The following HS6ST3 variants were observed in gnomAD, a reference collection of about 807,000 sequenced individuals.
HS6ST3 encodes heparan-sulfate 6-O-sulfotransferase 3.
HS6ST3 carries 12 observed loss-of-function variants against 36.7 expected under a neutral mutation model. The ratio of observed to expected loss-of-function variants is 0.33; its 90% CI spans 0.21 to 0.53. The LOEUF (loss-of-function observed/expected upper bound fraction) is 0.53. Ranked by LOEUF, HS6ST3 falls within the 20% of genes least tolerant of loss-of-function variation. The pLI, the probability that HS6ST3 is intolerant of heterozygous loss-of-function variation, is 0.95. For missense variants in HS6ST3, 584 were observed against 640.9 expected, an observed-to-expected ratio of 0.91 and a Z score of 0.96; for synonymous variants, 240 against 257.5, an observed-to-expected ratio of 0.93 and a Z score of 0.65.
intron 1 of HS6ST3, among the ~76,000 whole-genome samples, chr13:96,111,894 A>G (rs1231946950): frequency 6.6e-6 from 1 of 152,206 alleles, no homozygotes; most frequent in East Asian, 1.9e-4. Context: ...GGAAGAAACC[A>G]TATTATAAAA....
At chr13:96,605,174 G>A (rs563639417) in intron 1 of HS6ST3, among the ~76,000 whole-genome samples, 1 of 152,050 alleles carries the variant, frequency 6.6e-6, no homozygotes, top group African/African-American at 2.4e-5. Context: ...GGACCTGAGG[G>A]TATTCTTACC....
chr13:96,707,353 A>G (rs1043227792), intron 1 of HS6ST3, among the ~76,000 whole-genome samples: 20 of 152,172 alleles, frequency 1.3e-4, no homozygotes, highest in African/African-American at 4.8e-4. Context: ...CTGATCTCAG[A>G]CTTGTAGCCT....
chr13:96,741,412 A>G (rs759898160), intron 1 of HS6ST3, among the ~76,000 whole-genome samples: 9 of 152,202 alleles, frequency 5.9e-5, no homozygotes, highest in Non-Finnish European at 1.0e-4. Context: ...TAGCTTTTCT[A>G]TTCTGCACAC....
chr13:96,619,909 A>G (rs2056488087), intron 1 of HS6ST3, among the ~76,000 whole-genome samples: 1 of 152,174 alleles, frequency 6.6e-6, no homozygotes, highest in Admixed American at 6.5e-5. Context: ...TAAACAATGA[A>G]ACTTTGGGGC....
rs566599485 is a variant in HS6ST3 at position 96,096,154 on chromosome 13, T to A, written c.707+4585T>A. ...GAATGTGTAATATTTAATATGGAGATGAGAAAAATAAGGTGAGACATAAAA... is the reference window on the plus strand; with the variant it reads ...GAATGTGTAATATTTAATATGGAGAAGAGAAAAATAAGGTGAGACATAAAA... On this transcript the variant is annotated intron_variant, in intron 1 of 1. Transcript: ENST00000376705. Among the ~76,000 whole-genome samples the A allele has an allele frequency of 3.9e-5, 6 of 152,042 alleles. No individual in the cohort carries two copies. The South Asian group carries it at 1.0e-3, about 26-fold the overall frequency.
chr13:96,684,511 G>A (rs1319442193), intron 1 of HS6ST3, among the ~76,000 whole-genome samples: 1 of 152,022 alleles, frequency 6.6e-6, no homozygotes, highest in African/African-American at 2.4e-5. Context: ...CGAAACTCAA[G>A]CCTAAGAATA....
chr13:96,464,028 T>G (rs887226640), intron 1 of HS6ST3, among the ~76,000 whole-genome samples: 24 of 30,562 alleles, frequency 7.9e-4, no homozygotes, highest in Middle Eastern at 0.016. Context: ...GGTTTTTTTT[T>G]TTTTTTTTTT....
intron 1 of HS6ST3, among the ~76,000 whole-genome samples, chr13:96,684,938 A>T (rs1193661373): frequency 6.6e-6 from 1 of 152,112 alleles, no homozygotes; most frequent in Non-Finnish European, 1.5e-5. Flanking sequence ...GATTGCATAT[A>T]TGTGTATATG....
chr13:96,833,370 T>C lies in HS6ST3; in HGVS notation c.*172T>C, dbSNP rs1315959052. 1.3e-5 allele frequency: 8 copies of C among 609,174 alleles called. No homozygotes were observed. Among genetic ancestry groups the C allele is most frequent in the Non-Finnish European group, 2.2e-5 (8 of 359,846 alleles). The allele number at this position is 609,174 out of a possible 1,614,324, so 37.7% of individuals were successfully genotyped here. ...TTTATCCAGCTGGAGATTATCCGTC[T>C]TGTTCTTTTTTTTCTTGACATTTTG... On this transcript the variant is annotated 3_prime_UTR_variant, in exon 2 of 2. Transcript: ENST00000376705.
At chr13:96,713,846 A>T (rs1273576066) in intron 1 of HS6ST3, among the ~76,000 whole-genome samples, 1 of 152,156 alleles carries the variant, frequency 6.6e-6, no homozygotes, top group East Asian at 1.9e-4. Flanking sequence ...GATAATAAAA[A>T]ATAAATAATT....
chr13:96,503,899 T>C (rs1001742221), intron 1 of HS6ST3, among the ~76,000 whole-genome samples: 11 of 152,134 alleles, frequency 7.2e-5, no homozygotes, highest in African/African-American at 2.7e-4. Flanking sequence ...ATGGGGAGAT[T>C]GAGTGTCCCA....
chr13:96,430,326 T>C (rs965812314), intron 1 of HS6ST3, among the ~76,000 whole-genome samples: 2 of 152,214 alleles, frequency 1.3e-5, no homozygotes, highest in African/African-American at 4.8e-5. Context: ...TATTCAAAAT[T>C]GGCTGTCTTT....
chr13:96,506,772 G>A (rs2138916826), intron 1 of HS6ST3, among the ~76,000 whole-genome samples: 1 of 152,264 alleles, frequency 6.6e-6, no homozygotes, highest in African/African-American at 2.4e-5. Flanking sequence ...TCCACCTGTA[G>A]CAGTGTGTAA....
intron 1 of HS6ST3, among the ~76,000 whole-genome samples, chr13:96,717,360 A>G (rs906304080): frequency 6.6e-6 from 1 of 152,140 alleles, no homozygotes; most frequent in African/African-American, 2.4e-5. Context: ...CTTAGAGGGA[A>G]TGGGTTCTGA....
At chr13:96,333,125 T>G (rs1209436604) in intron 1 of HS6ST3, among the ~76,000 whole-genome samples, 11 of 152,224 alleles carry the variant, frequency 7.2e-5, no homozygotes, top group Non-Finnish European at 1.2e-4. Flanking sequence ...GCAGTGCGAA[T>G]GGACCAAGAC....
chr13:96,423,334 CAA>C (rs1411388923), intron 1 of HS6ST3, among the ~76,000 whole-genome samples: 1 of 151,704 alleles, frequency 6.6e-6, no homozygotes, highest in Non-Finnish European at 1.5e-5. Flanking sequence ...GTCCTGGGTC[CAA>C]AAAAAGTTTC....
chr13:96,831,975 A>AAAAAAAAAAAAAAAAAAAAAAAAAC (rs1566464310), intron 1 of HS6ST3, among the ~76,000 whole-genome samples: 7 of 148,538 alleles, frequency 4.7e-5, no homozygotes, highest in African/African-American at 1.8e-4. Context: ...AAAAAAAAAA[A>AAAAAAAAAAAAAAAAAAAAAAAAAC]AAAAACAGAG....
chr13:96,282,779 G>A (rs1314408847), intron 1 of HS6ST3, among the ~76,000 whole-genome samples: 1 of 152,118 alleles, frequency 6.6e-6, no homozygotes, highest in African/African-American at 2.4e-5. Flanking sequence ...CTGGTCAGGA[G>A]GTGTATCATG....
intron 1 of HS6ST3, among the ~76,000 whole-genome samples, chr13:96,190,021 A>G (rs1257753134): frequency 2.0e-5 from 3 of 152,216 alleles, no homozygotes. Flanking sequence ...GTAAAAATTC[A>G]TAATATATTA....
Sources: gnomAD v4.1 joint callset for allele counts (sites outside exome capture counted in the v4.1 genomes callset) on GRCh38, gnomAD v4.1.1 for gene constraint, MANE v1.5 for transcripts, NCBI Gene and HGNC (gene_info 2026-07-23, HGNC 2026-07-21) for gene names.